Variants in CBLN2 observed in about 807,000 individuals in gnomAD.
CBLN2 encodes cerebellin-2.
Under a neutral mutation model 15.0 loss-of-function variants are expected in CBLN2, and 7 were observed. That is an observed-to-expected ratio of 0.47 (90% CI 0.27 to 0.88). The LOEUF is 0.88. Among genes scored for constraint, CBLN2 ranks in the 40% least tolerant of loss-of-function variants. The probability of loss-of-function intolerance (pLI) is 0.14; values close to 1 mark genes in which losing one functional copy is unlikely to be tolerated. For synonymous variants in CBLN2, 149 were observed against 135.2 expected, an observed-to-expected ratio of 1.10 and a Z score of -0.71; for missense variants, 242 against 304.5, an observed-to-expected ratio of 0.79 and a Z score of 1.53.
chr18:72,595,349 T>G (rs1017814211), intron 1 of CBLN2, among the ~76,000 whole-genome samples: 1 of 152,108 alleles, frequency 6.6e-6, no homozygotes, highest in East Asian at 1.9e-4. Flanking sequence ...AAAACTCCTC[T>G]TGTTATTGAT....
upstream of CBLN2, among the ~76,000 whole-genome samples, chr18:72,546,441 CAAA>C (rs774107488): frequency 2.5e-5 from 3 of 120,748 alleles, no homozygotes; most frequent in South Asian, 2.6e-4. Flanking sequence ...CGCTCTCTCT[CAAA>C]AAAAAAAAAA....
intron 1 of CBLN2, among the ~76,000 whole-genome samples, chr18:72,551,798 G>A (rs147159205): frequency 8.5e-5 from 13 of 152,230 alleles, no homozygotes; most frequent in African/African-American, 2.4e-4. Context: ...TAATTAGCAC[G>A]GCTTAATATT....
intron 1 of CBLN2, among the ~76,000 whole-genome samples, chr18:72,632,639 G>A: frequency 6.6e-6 from 1 of 152,258 alleles, no homozygotes; most frequent in East Asian, 1.9e-4. Flanking sequence ...TACAGTATCA[G>A]ATTACCAGGT....
upstream of CBLN2, among the ~76,000 whole-genome samples, chr18:72,547,791 C>A (rs926223442): frequency 3.7e-4 from 57 of 152,174 alleles, no homozygotes; most frequent in African/African-American, 1.3e-3. Context: ...CAAGTGTTCT[C>A]CCGTAGAAAT....
At chr18:72,558,810 T>TCC (rs1354587267) in intron 1 of CBLN2, among the ~76,000 whole-genome samples, 36 of 152,270 alleles carry the variant, frequency 2.4e-4, no homozygotes, top group African/African-American at 8.2e-4. Flanking sequence ...ATCCCAGCAC[T>TCC]TTGGAAGGAT....
At chr18:72,594,400 T>C (rs1371006446) in intron 1 of CBLN2, among the ~76,000 whole-genome samples, 1 of 152,100 alleles carries the variant, frequency 6.6e-6, no homozygotes, top group Admixed American at 6.6e-5. Flanking sequence ...TTTTGTTAAG[T>C]AGTTTTGCAT....
chr18:72,614,625 T>C (rs537753481), intron 1 of CBLN2, among the ~76,000 whole-genome samples: 13 of 152,154 alleles, frequency 8.5e-5, no homozygotes, highest in Non-Finnish European at 1.6e-4. Context: ...ATCTAACCAT[T>C]GGTATTACAA....
At chr18:72,586,125 T>C (rs1387550766) in intron 1 of CBLN2, among the ~76,000 whole-genome samples, 1 of 152,208 alleles carries the variant, frequency 6.6e-6, no homozygotes, top group African/African-American at 2.4e-5. Context: ...GTGGGGCTTC[T>C]GCCTGTTCCT....
At chr18:72,622,145 T>C (rs1264573047) in intron 1 of CBLN2, among the ~76,000 whole-genome samples, 2 of 152,168 alleles carry the variant, frequency 1.3e-5, no homozygotes, top group Non-Finnish European at 2.9e-5. Flanking sequence ...AAACGAAATA[T>C]TTTTCTCTTT....
intron 1 of CBLN2, among the ~76,000 whole-genome samples, chr18:72,595,238 AT>A (rs2069505509): frequency 6.6e-6 from 1 of 151,754 alleles, no homozygotes; most frequent in Non-Finnish European, 1.5e-5. Flanking sequence ...TTCCATTTTC[AT>A]TTATTCCAAG....
chr18:72,558,642 G>A (rs901697499), intron 1 of CBLN2, among the ~76,000 whole-genome samples: 6 of 152,158 alleles, frequency 3.9e-5, no homozygotes, highest in Admixed American at 1.3e-4. Context: ...GAGTAAGAAG[G>A]GAGAAGCTCC....
At chr18:72,600,079 C>T (rs11660813) in intron 1 of CBLN2, among the ~76,000 whole-genome samples, 80,631 of 152,096 alleles carry the variant, frequency 0.53, 25,781 homozygotes, top group Non-Finnish European at 0.73. Context: ...GTGGCCACAC[C>T]TGTTTCCCTA....
At chr18:72,602,596 C>T (rs780548107) in intron 1 of CBLN2, among the ~76,000 whole-genome samples, 5 of 152,080 alleles carry the variant, frequency 3.3e-5, no homozygotes, top group Non-Finnish European at 7.4e-5. Flanking sequence ...GGGGTGCCGC[C>T]GTGAAGGTGT....
chr18:72,603,475 T>C (rs1383360394), intron 1 of CBLN2, among the ~76,000 whole-genome samples: 1 of 152,228 alleles, frequency 6.6e-6, no homozygotes, highest in Non-Finnish European at 1.5e-5. Context: ...TATATATTCT[T>C]GAAACAGTCA....
At chr18:72,562,135 A>G (rs1305945168) in intron 1 of CBLN2, among the ~76,000 whole-genome samples, 1 of 152,192 alleles carries the variant, frequency 6.6e-6, no homozygotes, top group Non-Finnish European at 1.5e-5. Context: ...AACAGATGAC[A>G]GCTATTTGAA....
intron 1 of CBLN2, among the ~76,000 whole-genome samples, chr18:72,554,356 C>CA (rs1007040281): frequency 6.6e-6 from 1 of 151,478 alleles, no homozygotes; most frequent in African/African-American, 2.4e-5. Context: ...TTCTGCAAAA[C>CA]AAAAAAAGCA....
At chr18:72,586,828 T>C (rs2069446727) in intron 1 of CBLN2, among the ~76,000 whole-genome samples, 2 of 151,990 alleles carry the variant, frequency 1.3e-5, no homozygotes, top group African/African-American at 4.8e-5. Context: ...CCTTTTGGGG[T>C]GTTATTTCTG....
intron 1 of CBLN2, chr18:72,552,467 A>G (rs1383626499): frequency 6.6e-6 from 1 of 152,168 alleles, no homozygotes; most frequent in Admixed American, 6.5e-5. Context: ...TTCAAAATAC[A>G]TAAAAATCAA....
At chr18:72,550,908 C>T (rs1266384176) in intron 1 of CBLN2, among the ~76,000 whole-genome samples, 6 of 151,990 alleles carry the variant, frequency 3.9e-5, no homozygotes, top group African/African-American at 1.4e-4. Flanking sequence ...TGATATACGG[C>T]TATATTCTTA....
Sources: gnomAD v4.1 joint callset for allele counts (sites outside exome capture counted in the v4.1 genomes callset) on GRCh38, gnomAD v4.1.1 for gene constraint, MANE v1.5 for transcripts, NCBI Gene and HGNC (gene_info 2026-07-23, HGNC 2026-07-21) for gene names.